RNF17: variants seen among roughly 807,000 people sequenced by gnomAD.
RNF17 encodes the protein spermatogenesis associated 23.
A neutral mutation model predicts 200.5 loss-of-function variants in RNF17; 31 were observed. That is an observed-to-expected ratio of 0.15 (90% confidence interval 0.12 to 0.21). The LOEUF (loss-of-function observed/expected upper bound fraction) is 0.21. Ranked by LOEUF, RNF17 falls within the 10% of genes least tolerant of loss-of-function variation. RNF17 has a pLI of 1.00. For missense variants in RNF17, 1,628 were observed against 1,905.1 expected, an observed-to-expected ratio of 0.85 and a Z score of 2.71; for synonymous variants, 606 against 637.8, an observed-to-expected ratio of 0.95 and a Z score of 0.75.
chr13:24,813,085 G>A (rs1886934728), intron 15 of RNF17, among the ~76,000 whole-genome samples: 1 of 151,974 alleles, frequency 6.6e-6, no homozygotes. Flanking sequence ...CTTATTTATT[G>A]GCCATTTGTA....
Position 24,874,166 on chromosome 13 carries a change from T to G in RNF17, c.4500T>G (p.Ile1500Met). The G allele has an allele frequency of 6.2e-7, 1 of 1,612,278 alleles. No individual in the cohort carries two copies. The part of the protein sequence containing the change: ...YDDGLWYRAK[I>M]VAIKEFNPLS... ...ATGGCTTATGGTATAGAGCGAAGAT[T>G]GTTGCCATTAAAGAATTTAATCCTT... Residue 1500 changes from isoleucine (I) to methionine (M), a missense_variant, in exon 33 of 36, where the codon ATT becomes ATG. Transcript: ENST00000255324.
intron 18 of RNF17, among the ~76,000 whole-genome samples, chr13:24,837,917 A>G (rs2138085096): frequency 6.6e-6 from 1 of 152,308 alleles, no homozygotes; most frequent in South Asian, 2.1e-4. Context: ...AAAGGTAAAT[A>G]AAATTGATAG....
upstream of RNF17, among the ~76,000 whole-genome samples, chr13:24,762,326 G>A (rs559635519): frequency 1.5e-5 from 2 of 135,196 alleles, no homozygotes; most frequent in South Asian, 2.4e-4. Flanking sequence ...CTGAGATCTC[G>A]CCATTGCACT....
chr13:24,791,417 GAT>G (rs1052494447), intron 9 of RNF17, among the ~76,000 whole-genome samples: 1 of 152,166 alleles, frequency 6.6e-6, no homozygotes, highest in Non-Finnish European at 1.5e-5. Context: ...TATTCATCAA[GAT>G]TAGGAATACA....
chr13:24,845,842 C>T (rs1030442167), intron 22 of RNF17, among the ~76,000 whole-genome samples: 6 of 152,130 alleles, frequency 3.9e-5, no homozygotes, highest in Non-Finnish European at 2.9e-5. Flanking sequence ...AACTCCTTTC[C>T]ATAACCCCAC....
At chr13:24,775,820 C>A (rs932444628) in intron 3 of RNF17, among the ~76,000 whole-genome samples, 2 of 152,160 alleles carry the variant, frequency 1.3e-5, no homozygotes, top group Admixed American at 1.3e-4. Context: ...TCTTTTCCTG[C>A]TAGTCTGTAA....
chr13:24,785,412 T>C (rs530776596), intron 6 of RNF17, among the ~76,000 whole-genome samples: 63 of 152,234 alleles, frequency 4.1e-4, no homozygotes, highest in Non-Finnish European at 8.5e-4. Context: ...GGTCATTCCA[T>C]TGTAGTCAGA....
downstream of RNF17, chr13:24,884,491 T>G: frequency 6.2e-7 from 1 of 1,612,614 alleles, no homozygotes; most frequent in South Asian, 1.1e-5. Flanking sequence ...GATTATCACC[T>G]AAGATTTTCT....
At chr13:24,874,510 A>C (rs1266800440) in intron 33 of RNF17, among the ~76,000 whole-genome samples, 1 of 151,666 alleles carries the variant, frequency 6.6e-6, no homozygotes, top group Non-Finnish European at 1.5e-5. Context: ...CCCAGGTTCA[A>C]GTGATTCTCC....
At chr13:24,806,239 A>G (rs1018830174) in intron 15 of RNF17, among the ~76,000 whole-genome samples, 1 of 152,186 alleles carries the variant, frequency 6.6e-6, no homozygotes, top group Non-Finnish European at 1.5e-5. Flanking sequence ...TATATGTGCC[A>G]TATTTTCTTT....
chr13:24,788,195 G>T, intron 7 of RNF17, 36 bp downstream of exon 7: 1 of 1,475,946 alleles, frequency 6.8e-7, no homozygotes, highest in Non-Finnish European at 9.2e-7. Context: ...TTATTTCTGT[G>T]GTAGCTTATT....
chr13:24,794,472 G>A (rs1372844999), intron 10 of RNF17, among the ~76,000 whole-genome samples: 17 of 152,076 alleles, frequency 1.1e-4, no homozygotes, highest in Admixed American at 9.8e-4. Flanking sequence ...TCAGGAGTTC[G>A]AAACCAGCCT....
intron 15 of RNF17, among the ~76,000 whole-genome samples, chr13:24,820,121 C>CTTTT (rs200683421): frequency 8.8e-6 from 1 of 113,310 alleles, no homozygotes; most frequent in Non-Finnish European, 1.9e-5. Context: ...TTTCTTTTTT[C>CTTTT]TTTTTTTTTT....
chr13:24,888,579 A>T, the RNF17 span, among the ~76,000 whole-genome samples: 3 of 112,750 alleles, frequency 2.7e-5, no homozygotes, highest in Non-Finnish European at 6.3e-5. Flanking sequence ...TGCTGACAGT[A>T]AAAAAAACTG....
At chr13:24,880,740 C>T (rs543125395), downstream of RNF17, among the ~76,000 whole-genome samples, 1 of 152,214 alleles carries the variant, frequency 6.6e-6, no homozygotes, top group South Asian at 2.1e-4. Flanking sequence ...ATTTGCTGGG[C>T]CATGGGGTTG....
rs1369594099 is a variant in RNF17 at position 24,844,991 on chromosome 13, G to A, written c.3013G>A (p.Val1005Ile). Residue 1005 changes from valine (V) to isoleucine (I), a missense_variant, in exon 22 of 36, where the codon GTA (valine) becomes ATA (isoleucine). Coordinates refer to ENST00000255324, the MANE Select transcript of RNF17 (RefSeq NM_031277.3). ...GCTGTATGATGTGGGTGTTGAACTAGTAGTGAATGTTGACTGTTTAAGAAA... is the reference window on the plus strand; with the variant it reads ...GCTGTATGATGTGGGTGTTGAACTAATAGTGAATGTTGACTGTTTAAGAAA... ...VLLYDVGVEL[V>I]VNVDCLRKLE... The A allele has an allele frequency of 6.2e-7, 1 of 1,605,670 alleles. No individual in the cohort carries two copies. Among genetic ancestry groups the A allele is most frequent in the South Asian group, 1.1e-5 (1 of 90,864 alleles).
downstream of RNF17, among the ~76,000 whole-genome samples, chr13:24,880,954 G>C (rs1261527485): frequency 2.6e-5 from 4 of 152,190 alleles, no homozygotes; most frequent in South Asian, 2.1e-4. Flanking sequence ...ATTAGCTAGT[G>C]ACCATTCCGT....
chr13:24,842,436 CT>C (rs778323092), intron 19 of RNF17, among the ~76,000 whole-genome samples: 8 of 152,200 alleles, frequency 5.3e-5, no homozygotes, highest in Non-Finnish European at 1.0e-4. Context: ...CTTATTTCTG[CT>C]TAGGAAGCCC....
upstream of RNF17, among the ~76,000 whole-genome samples, chr13:24,760,002 C>T (rs551264526): frequency 7.2e-5 from 11 of 151,908 alleles, no homozygotes; most frequent in African/African-American, 1.4e-4. Context: ...ATTAGCCAGG[C>T]GTGGGGAGCG....
Sources: allele counts gnomAD v4.1 joint callset (sites outside exome capture counted in the v4.1 genomes callset), GRCh38; gene constraint gnomAD v4.1.1; transcripts MANE v1.5; gene names NCBI Gene and HGNC (gene_info 2026-07-23, HGNC 2026-07-21).